Variants in GCKR observed in about 807,000 individuals in gnomAD.
GCKR encodes the protein glucokinase regulatory protein.
GCKR carries 73 observed loss-of-function variants against 82.9 expected under a neutral mutation model. The observed-to-expected ratio is 0.88, with a 90% confidence interval of 0.73 to 1.07. GCKR has a LOEUF of 1.07. Ranked by LOEUF, GCKR falls within the 50% of genes least tolerant of loss-of-function variation. The probability of loss-of-function intolerance (pLI) is 0.00; values close to 1 mark genes in which losing one functional copy is unlikely to be tolerated. For missense variants in GCKR, 784 were observed against 782.1 expected (o/e 1.00, Z -0.03); for synonymous variants, 294 against 291.8 (o/e 1.01, Z -0.08).
rs1669566707 is a variant in GCKR at position 27,501,178 on chromosome 2, C to T, written c.593C>T (p.Thr198Ile). ...CAGATGGACTGCTGCATGAACAACA[C>T]AGCTGTCTTCTTGCCAGTCCTGGTT... ...AGQMDCCMNN[T>I]AVFLPVLVGF... Residue 198 changes from threonine to isoleucine, a missense_variant, in exon 8 of 19, where the codon ACA becomes ATA. Thr to Ile is a moderately conservative substitution (Grantham distance 89). Coordinates refer to ENST00000264717, the MANE Select transcript of GCKR (RefSeq NM_001486.4). 1 of 1,613,978 alleles carries T rather than the reference C, an allele frequency of 6.2e-7. No homozygotes were observed.
At chr2:27,510,159 C>A (rs1444907370) in intron 16 of GCKR, among the ~76,000 whole-genome samples, 4 of 152,090 alleles carry the variant, frequency 2.6e-5, no homozygotes, top group Non-Finnish European at 4.4e-5. Context: ...CAGGTGCCCG[C>A]CACCACGCCT....
At chr2:27,514,325 T>C (rs1284041241) in intron 16 of GCKR, among the ~76,000 whole-genome samples, 1 of 152,162 alleles carries the variant, frequency 6.6e-6, no homozygotes, top group African/African-American at 2.4e-5. Context: ...TTCCCACTCT[T>C]CTTCCTCTTT....
intron 11 of GCKR, 72 bp from the exon 12 acceptor site, chr2:27,506,716 T>C (rs1313508275): frequency 7.2e-6 from 8 of 1,111,748 alleles, no homozygotes; most frequent in Non-Finnish European, 1.1e-5. Flanking sequence ...TTGACTCCTG[T>C]GTTCTTCTGT....
intron 16 of GCKR, among the ~76,000 whole-genome samples, chr2:27,513,017 G>A (rs1482197351): frequency 6.6e-6 from 1 of 152,152 alleles, no homozygotes; most frequent in Non-Finnish European, 1.5e-5. Flanking sequence ...CCTGATGTCA[G>A]TTTGCCCCTT....
chr2:27,523,374 C>T lies in GCKR; in HGVS notation c.1813C>T (p.Leu605Phe). 6.2e-7 allele frequency: 1 copy of T among 1,612,428 alleles called. No individual in the cohort carries two copies. The change falls in exon 19 of 19, where the codon CTT becomes TTT. Residue 605 changes from leucine to phenylalanine, a missense_variant. Transcript: ENST00000264717. ...TGTCTGTGAGGCTGTCAGGAGTGCT[C>T]TTGCTGGGCCAGGTCAGAAGCGCAC... ...PSVCEAVRSA[L>F]AGPGQKRTAD...
chr2:27,504,073 T>TC (rs891060063), intron 9 of GCKR, among the ~76,000 whole-genome samples: 11 of 152,342 alleles, frequency 7.2e-5, no homozygotes, highest in African/African-American at 2.6e-4. Context: ...TTTCTCTTGT[T>TC]CCTTTTTTTC....
chr2:27,506,592 G>A lies in GCKR; in HGVS notation c.968+13G>A, dbSNP rs766955241. On this transcript the variant is annotated intron_variant, in intron 11 of 18. Coordinates refer to ENST00000264717, the MANE Select transcript of GCKR (RefSeq NM_001486.4). Reference sequence around the variant, plus strand: ...GTGTCAGCACCAGGTGTGTGGATATGTGTTTAGAGGTGAGGATGTGGCCCG... The same window carrying A: ...GTGTCAGCACCAGGTGTGTGGATATATGTTTAGAGGTGAGGATGTGGCCCG... The A allele has an allele frequency of 1.3e-6, 2 of 1,555,480 alleles. No homozygotes were observed. Among genetic ancestry groups the A allele is most frequent in the South Asian group, 2.2e-5 (2 of 89,952 alleles).
chr2:27,497,228 C>T lies in GCKR; in HGVS notation c.61-16C>T, dbSNP rs753901269. ...CTTTGGCTTCCTGCTCCATCCTTGT[C>T]CCCTCTTCCTTCTAGTTGTCTGGGT... On this transcript the variant is annotated splice_polypyrimidine_tract_variant and intron_variant, in intron 1 of 18. Transcript: ENST00000264717. 3 of 1,614,048 alleles carry T rather than the reference C, an allele frequency of 1.9e-6. No individual in the cohort carries two copies. Among genetic ancestry groups the T allele is most frequent in the Non-Finnish European group, 2.5e-6 (3 of 1,180,000 alleles).
intron 5 of GCKR, 114 bp from the exon 6 acceptor site, chr2:27,499,028 G>A (rs1558433404): frequency 1.3e-6 from 1 of 756,652 alleles, no homozygotes; most frequent in Non-Finnish European, 2.4e-6. Context: ...AACTGTGGGT[G>A]CTCATTCAAT....
rs2148577800 is a variant in GCKR at position 27,497,375 on chromosome 2, G to A, written c.192G>A (p.Glu64=). 3.1e-6 allele frequency: 5 copies of A among 1,614,142 alleles called. No individual in the cohort carries two copies. In the Middle Eastern group the frequency reaches 4.9e-4, roughly 160 times the overall value. Residue 64 remains glutamate, a synonymous_variant, in exon 2 of 19, where the codon GAG becomes GAA. Transcript: ENST00000264717. ...GTGATGCTGAGATCTTCCAGGAGGA[G>A]GGGCAAGCCCTGTCCACATACCAGG... is the stretch of plus-strand genomic sequence containing the variant. ...GQCDAEIFQE[E]GQALSTYQRL...
chr2:27,497,082 A>G (rs747504786), intron 1 of GCKR, 118 bp downstream of exon 1: 2 of 1,207,350 alleles, frequency 1.7e-6, no homozygotes, highest in Non-Finnish European at 2.5e-6. Context: ...TTCTTTCCCT[A>G]ATATGCCCAG....
Position 27,523,321 on chromosome 2 carries a change from C to T in GCKR, c.1760C>T (p.Ala587Val), listed in dbSNP as rs746141275. The T allele has an allele frequency of 3.1e-6, 5 of 1,612,968 alleles. No homozygotes were observed. In the South Asian group the frequency reaches 5.5e-5, roughly 18 times the overall value. Residue 587 changes from alanine to valine, a missense_variant, in exon 19 of 19, where the codon GCT (alanine) becomes GTT (valine). Physicochemically the swap from Ala to Val is moderately conservative, Grantham distance 64. Transcript: ENST00000264717. ...CTATTCCGGTGCTCGATCACTGAGG[C>T]TCAGGCACACCTGGCTGCAGCTCCT... ...SLLFRCSITE[A>V]QAHLAAAPSV...
Position 27,523,538 on chromosome 2 carries a change from GC to G in GCKR, c.*103del. Reference sequence around the variant, plus strand: ...CCAGCAGAACATGTGGGAGGAAGAAGCCCCGTTTCCAGGGCATCCGCAGCCC... The same window carrying G: ...CCAGCAGAACATGTGGGAGGAAGAAGCCCGTTTCCAGGGCATCCGCAGCCC... On this transcript the variant is annotated 3_prime_UTR_variant, in exon 19 of 19. Transcript: ENST00000264717. The G allele has an allele frequency of 1.6e-6, 2 of 1,261,498 alleles. No homozygotes were observed. The highest frequency in any genetic ancestry group is 3.5e-5 in the Admixed American group (2 of 57,032). 78.1% of individuals were successfully genotyped at this position (1,261,498 alleles called of 1,614,324 possible).
chr2:27,504,301 C>T (rs1446158329), intron 9 of GCKR, among the ~76,000 whole-genome samples: 6 of 152,058 alleles, frequency 3.9e-5, no homozygotes, highest in Non-Finnish European at 7.4e-5. Flanking sequence ...TCTGTCTTTC[C>T]TCCTCCCTGC....
At position 27,498,297 on chromosome 2, in the gene GCKR, T is replaced by C; in HGVS notation, c.328T>C (p.Ser110Pro). The change falls in exon 4 of 19, where the codon TCT becomes CCT. Residue 110 changes from serine (S) to proline (P), a missense_variant. By Grantham distance (74) the Ser-to-Pro change is moderately conservative. Coordinates refer to ENST00000264717, the MANE Select transcript of GCKR (RefSeq NM_001486.4). Reference sequence around the variant, plus strand: ...GGTTGTGCTGAGTGGAGGGGGCACCTCTGGCCGGATGGCATTCCTCATGTC... The same window carrying C: ...GGTTGTGCTGAGTGGAGGGGGCACCCCTGGCCGGATGGCATTCCTCATGTC... ...GLVVLSGGGT[S>P]GRMAFLMSVS... is the part of the protein sequence containing the mutation. The C allele has an allele frequency of 1.2e-6, 2 of 1,613,738 alleles. No homozygotes were observed. Among genetic ancestry groups the C allele is most frequent in the Non-Finnish European group, 1.7e-6 (2 of 1,179,646 alleles).
intron 5 of GCKR, 151 bp from the exon 6 acceptor site, chr2:27,498,991 C>T (rs1669498841): frequency 1.4e-6 from 1 of 721,824 alleles, no homozygotes; most frequent in Non-Finnish European, 2.5e-6. Context: ...TTTTTCAACT[C>T]TATGGAGTGT....
rs1414687913 is a variant in GCKR, at chr2:27,518,795, A to G, written c.1430A>G (p.Gln477Arg). ...EYEGNFIQKFQRELSTKWVLN... is the reference protein window; with the variant it reads ...EYEGNFIQKFRRELSTKWVLN... ...TGTGTCTGCCCTTTTCAGAAGTTCC[A>G]GCGTGAGCTAAGCACCAAATGGGTG... Residue 477 changes from glutamine to arginine, a missense_variant, in exon 17 of 19, where the codon CAG becomes CGG. Gln to Arg is a conservative substitution (Grantham distance 43). Coordinates refer to ENST00000264717, the MANE Select transcript of GCKR (RefSeq NM_001486.4). The G allele has an allele frequency of 6.2e-7, 1 of 1,613,466 alleles. No individual in the cohort carries two copies. Among genetic ancestry groups the G allele is most frequent in the Admixed American group, 1.7e-5 (1 of 60,016 alleles).
intron 6 of GCKR, 48 bp downstream of exon 6, chr2:27,499,256 C>T (rs1486821415): frequency 7.0e-7 from 1 of 1,432,120 alleles, no homozygotes; most frequent in South Asian, 1.1e-5. Context: ...TCTGTTCCTT[C>T]TCATGGGGAC....
At chr2:27,498,125 T>C in intron 3 of GCKR, 130 bp from the exon 4 acceptor site, 2 of 724,980 alleles carry the variant, frequency 2.8e-6, no homozygotes, top group Non-Finnish European at 2.4e-6. Context: ...TGCATGTATT[T>C]GTTCAATTTT....
Sources: gnomAD v4.1 joint callset for allele counts (sites outside exome capture counted in the v4.1 genomes callset) on GRCh38, gnomAD v4.1.1 for gene constraint, MANE v1.5 for transcripts, NCBI Gene and HGNC (gene_info 2026-07-23, HGNC 2026-07-21) for gene names.